The following CACNA1E variants were observed in gnomAD, a reference collection of about 807,000 sequenced individuals.
The protein encoded by CACNA1E is voltage-dependent R-type calcium channel subunit alpha-1E.
CACNA1E carries 40 observed loss-of-function variants against 259.2 expected under a neutral mutation model. That is an observed-to-expected ratio of 0.15 (90% confidence interval 0.12 to 0.20). CACNA1E has a LOEUF of 0.20. Ranked by LOEUF, CACNA1E falls within the 10% of genes least tolerant of loss-of-function variation. The pLI is 1.00. For synonymous variants in CACNA1E, 1,104 were observed against 1,138.5 expected (o/e 0.97, Z 0.61); for missense variants, 1,874 against 3,040.1 (o/e 0.62, Z 9.02).
At chr1:181,382,652 T>A (rs6674189) in intron 1 of CACNA1E, among the ~76,000 whole-genome samples, 5,189 of 152,268 alleles carry the variant, frequency 0.034, 274 homozygotes, top group African/African-American at 0.11. Flanking sequence ...CCAACCACCT[T>A]ATTTTCCACT....
intron 1 of CACNA1E, among the ~76,000 whole-genome samples, chr1:181,326,030 C>T (rs991748833): frequency 9.2e-5 from 14 of 152,242 alleles, no homozygotes; most frequent in African/African-American, 2.7e-4. Flanking sequence ...CGCCGGTTTC[C>T]TTGGAAGTTA....
chr1:181,351,285 C>T (rs1008174013), intron 1 of CACNA1E, among the ~76,000 whole-genome samples: 8 of 152,152 alleles, frequency 5.3e-5, no homozygotes, highest in African/African-American at 1.9e-4. Context: ...GCCACCTCAG[C>T]ATCTAGGGCT....
In CACNA1E at chr1:181,559,902, A is replaced by G. The variant is rs142504342; in HGVS notation, c.513-17864A>G. Reference sequence around the variant, plus strand: ...CAGAGCTGCTGAAGGCGTGGGATGCAGAGCATCGACATTCTTCTGCAATGT... The same window carrying G: ...CAGAGCTGCTGAAGGCGTGGGATGCGGAGCATCGACATTCTTCTGCAATGT... On this transcript the variant is annotated intron_variant, in intron 3 of 47. Transcript: ENST00000367573. 2.0e-5 allele frequency among the ~76,000 whole-genome samples: 3 copies of G among 152,370 alleles called. No individual in the cohort carries two copies. In the East Asian group the frequency reaches 5.8e-4, roughly 29 times the overall value.
chr1:181,321,184 A>G (rs1296190881), intron 1 of CACNA1E, among the ~76,000 whole-genome samples: 3 of 152,190 alleles, frequency 2.0e-5, no homozygotes, highest in Non-Finnish European at 4.4e-5. Flanking sequence ...ATCAGCCCCC[A>G]TGACCCAAAC....
At chr1:181,453,719 G>C (rs1558016325) in intron 2 of CACNA1E, among the ~76,000 whole-genome samples, 1 of 152,214 alleles carries the variant, frequency 6.6e-6, no homozygotes, top group Non-Finnish European at 1.5e-5. Flanking sequence ...GTCTAGCAAG[G>C]AGAGCTGACC....
intron 3 of CACNA1E, among the ~76,000 whole-genome samples, chr1:181,515,766 A>G (rs992256548): frequency 6.6e-6 from 1 of 152,242 alleles, no homozygotes; most frequent in African/African-American, 2.4e-5. Flanking sequence ...ATCATGGGTA[A>G]CAACAGGGAA....
intron 7 of CACNA1E, among the ~76,000 whole-genome samples, chr1:181,705,239 C>T (rs1652677763): frequency 6.6e-6 from 1 of 152,150 alleles, no homozygotes; most frequent in African/African-American, 2.4e-5. Flanking sequence ...TCCCCTCATC[C>T]CTCCAGGCAC....
intron 1 of CACNA1E, 71 bp downstream of exon 1, chr1:181,484,081 A>G (rs1663560546): frequency 2.8e-6 from 4 of 1,446,562 alleles, no homozygotes; most frequent in Non-Finnish European, 3.8e-6. Context: ...GGTACCTAGC[A>G]TGGAATGTAT....
At position 181,662,748 on chromosome 1, in the gene CACNA1E, C is replaced by A. The variant is rs566605661; in HGVS notation, c.1055+11307C>A. Among the ~76,000 whole-genome samples the A allele has an allele frequency of 7.4e-5, 11 of 147,732 alleles. No homozygotes were observed. In the East Asian group the frequency reaches 1.9e-3, roughly 26 times the overall value. On this transcript the variant is annotated intron_variant, in intron 7 of 47. Transcript: ENST00000367573. ...GAGCCATTCTTACCTACCAAGTACT[C>A]CCATTGAGTCAATTAGCATGAGCTC... is the stretch of plus-strand genomic sequence containing the variant.
At chr1:181,677,494 A>G (rs1202605832) in intron 7 of CACNA1E, among the ~76,000 whole-genome samples, 2 of 152,178 alleles carry the variant, frequency 1.3e-5, no homozygotes, top group East Asian at 1.9e-4. Flanking sequence ...TTTATATCGC[A>G]GGTCAGTTGG....
At chr1:181,511,641 G>A (rs1419134421) in intron 3 of CACNA1E, 131 bp downstream of exon 3, 4 of 1,058,722 alleles carry the variant, frequency 3.8e-6, no homozygotes, top group Non-Finnish European at 5.6e-6. Context: ...AAAGTTCAAG[G>A]CTAAGATTCC....
intron 1 of CACNA1E, among the ~76,000 whole-genome samples, chr1:181,322,124 G>T (rs973087435): frequency 9.2e-5 from 14 of 152,282 alleles, no homozygotes; most frequent in Admixed American, 3.3e-4. Flanking sequence ...CCCAGTTCTG[G>T]TCTGGAAAAA....
chr1:181,637,054 T>G (rs1222443410), intron 6 of CACNA1E, among the ~76,000 whole-genome samples: 1 of 152,230 alleles, frequency 6.6e-6, no homozygotes, highest in Non-Finnish European at 1.5e-5. Flanking sequence ...CCAATCTTTG[T>G]CTGGGGCTCT....
intron 27 of CACNA1E, among the ~76,000 whole-genome samples, 153 bp downstream of exon 27, chr1:181,752,392 T>G (rs1194391905): frequency 6.6e-6 from 1 of 152,252 alleles, no homozygotes; most frequent in East Asian, 1.9e-4. Flanking sequence ...GCTAAAGGTC[T>G]TAGTTTCAAA....
intron 2 of CACNA1E, among the ~76,000 whole-genome samples, chr1:181,469,646 G>A (rs1004822522): frequency 5.3e-5 from 8 of 152,134 alleles, no homozygotes; most frequent in Non-Finnish European, 8.8e-5. Context: ...AGATCACTGA[G>A]AGAGTGCATA....
At chr1:181,532,406 G>A (rs1558095253) in intron 3 of CACNA1E, among the ~76,000 whole-genome samples, 2 of 152,192 alleles carry the variant, frequency 1.3e-5, no homozygotes, top group Non-Finnish European at 2.9e-5. Context: ...ATATGCTGGG[G>A]CAGCATGATG....
At position 181,731,166 on chromosome 1, in the gene CACNA1E, C is replaced by A. The variant is rs1482272720; in HGVS notation, c.2241-9C>A. The A allele has an allele frequency of 3.7e-6, 6 of 1,612,824 alleles. No individual in the cohort carries two copies. Among genetic ancestry groups the A allele is most frequent in the Non-Finnish European group, 4.2e-6 (5 of 1,178,974 alleles). On this transcript the variant is annotated splice_polypyrimidine_tract_variant and intron_variant, in intron 18 of 47. Coordinates refer to ENST00000367573, the MANE Select transcript of CACNA1E (RefSeq NM_001205293.3). Reference sequence around the variant, plus strand: ...GGGTGAACTGAACCTGTCCATTTTTCTTCCCCAGAAGAGACAGAAGGAGAA... The same window carrying A: ...GGGTGAACTGAACCTGTCCATTTTTATTCCCCAGAAGAGACAGAAGGAGAA...
At chr1:181,472,051 A>C (rs1662544582) in intron 2 of CACNA1E, among the ~76,000 whole-genome samples, 1 of 152,118 alleles carries the variant, frequency 6.6e-6, no homozygotes, top group Non-Finnish European at 1.5e-5. Flanking sequence ...GTATGTAGAC[A>C]CACACACACA....
At chr1:181,402,449 T>G (rs186810006) in intron 1 of CACNA1E, among the ~76,000 whole-genome samples, 1 of 152,278 alleles carries the variant, frequency 6.6e-6, no homozygotes, top group Admixed American at 6.5e-5. Flanking sequence ...CATCAGGCAA[T>G]CACAAGATCA....
Sources: gnomAD v4.1 joint callset for allele counts (sites outside exome capture counted in the v4.1 genomes callset) on GRCh38, gnomAD v4.1.1 for gene constraint, MANE v1.5 for transcripts, NCBI Gene and HGNC (gene_info 2026-07-23, HGNC 2026-07-21) for gene names.